Variants in EVC2 observed in about 807,000 individuals in gnomAD.
The protein encoded by EVC2 is limbin.
Under a neutral mutation model 149.3 loss-of-function variants are expected in EVC2, and 148 were observed. That is an observed-to-expected ratio of 0.99 (90% CI 0.87 to 1.14). The LOEUF is 1.14. Among genes scored for constraint, EVC2 ranks in the 50% most tolerant of loss-of-function variants. The probability of loss-of-function intolerance (pLI) is 0.00; values close to 1 mark genes in which losing one functional copy is unlikely to be tolerated. For synonymous variants in EVC2, 776 were observed against 649.9 expected (o/e 1.19, Z -2.95); for missense variants, 1,854 against 1,627.3 (o/e 1.14, Z -2.40).
At chr4:5,583,426 G>C (rs571279589) in intron 17 of EVC2, among the ~76,000 whole-genome samples, 2 of 152,266 alleles carry the variant, frequency 1.3e-5, no homozygotes, top group African/African-American at 4.8e-5. Flanking sequence ...ATATGAGACT[G>C]GCAAAATACC....
Position 5,644,642 on chromosome 4 carries a change from T to C in EVC2, c.1146-3804A>G, listed in dbSNP as rs556058653. On this transcript the variant is annotated intron_variant, in intron 9 of 21. Coordinates refer to ENST00000344408, the MANE Select transcript of EVC2 (RefSeq NM_147127.5). Reference sequence around the variant, plus strand: ...AAGCGTGCAGTTCAGTGGTAATAAATATCTTTTATTTATATTCTTGTTTTC... The same window carrying C: ...AAGCGTGCAGTTCAGTGGTAATAAACATCTTTTATTTATATTCTTGTTTTC... Among the ~76,000 whole-genome samples the C allele has an allele frequency of 1.5e-4, 23 of 152,284 alleles. 1 individual carries two copies. In the South Asian group the frequency reaches 4.8e-3, roughly 32 times the overall value.
At chr4:5,550,920 G>A (rs1258514331) in intron 21 of EVC2, among the ~76,000 whole-genome samples, 1 of 152,266 alleles carries the variant, frequency 6.6e-6, no homozygotes, top group African/African-American at 2.4e-5. Flanking sequence ...CAAGCCCCAA[G>A]CCTTGGCAGC....
At chr4:5,685,262 ACTGAAGGAAGGAAGGAACTAACAGGT>A (rs1364897843) in intron 6 of EVC2, 82 bp downstream of exon 6, 30 of 1,074,358 alleles carry the variant, frequency 2.8e-5, no homozygotes, top group Non-Finnish European at 4.3e-5. Flanking sequence ...AGGTGGCATC[ACTGAAGGAAGGAAGGAACTAACAGGT>A]CTTCTGTCTG....
At chr4:5,651,288 T>C (rs1353632974) in intron 9 of EVC2, among the ~76,000 whole-genome samples, 3 of 151,258 alleles carry the variant, frequency 2.0e-5, no homozygotes, top group Admixed American at 6.6e-5. Context: ...GGATGGATGA[T>C]AGGTGGACAG....
intron 6 of EVC2, among the ~76,000 whole-genome samples, chr4:5,682,442 AT>A (rs1720410853): frequency 6.6e-6 from 1 of 151,580 alleles, no homozygotes; most frequent in South Asian, 2.1e-4. Context: ...GTGAGCTGAG[AT>A]CATGCCATTG....
the EVC2 span, among the ~76,000 whole-genome samples, chr4:5,535,655 T>G: frequency 7.7e-6 from 1 of 129,822 alleles, no homozygotes; most frequent in African/African-American, 3.1e-5. The surrounding 1 kb of genome is among the most constrained non-coding windows in gnomAD (Gnocchi z 4.7). Flanking sequence ...CTCCTGTTCT[T>G]CCTCTTTCTT....
At chr4:5,591,471 G>A (rs930544990) in intron 16 of EVC2, among the ~76,000 whole-genome samples, 1 of 152,186 alleles carries the variant, frequency 6.6e-6, no homozygotes, top group Non-Finnish European at 1.5e-5. Context: ...TCTTGGGTGG[G>A]TGGGTGGTGG....
At chr4:5,535,625 G>GAGAGAGAGAGAGAGAGAGAGAT in the EVC2 span, among the ~76,000 whole-genome samples, 302 of 150,536 alleles carry the variant, frequency 2.0e-3, no homozygotes, top group African/African-American at 7.0e-3. This position sits in a 1 kb window ranked among gnomAD's most constrained non-coding sequence, Gnocchi z 4.7. Context: ...GAGAGAGAGA[G>GAGAGAGAGAGAGAGAGAGAGAT]AGAGAGAGAA....
chr4:5,612,946 A>G (rs1259076852), intron 16 of EVC2, among the ~76,000 whole-genome samples: 6 of 149,644 alleles, frequency 4.0e-5, no homozygotes, highest in South Asian at 2.1e-4. Context: ...AAAAAAAAAA[A>G]AAAGAAATAA....
At chr4:5,646,151 G>A (rs558974104) in intron 9 of EVC2, among the ~76,000 whole-genome samples, 2 of 152,046 alleles carry the variant, frequency 1.3e-5, no homozygotes, top group African/African-American at 2.4e-5. Flanking sequence ...GGCTGGTCTC[G>A]AACTCCTGAC....
chr4:5,705,867 C>A lies in EVC2; in HGVS notation c.228+2419G>T, dbSNP rs1722099235. Among the ~76,000 whole-genome samples the A allele has an allele frequency of 2.6e-5, 4 of 152,134 alleles. No individual in the cohort carries two copies. In the South Asian group the frequency reaches 8.3e-4, roughly 32 times the overall value. On this transcript the variant is annotated intron_variant, in intron 1 of 21. Transcript: ENST00000344408. ...TCCCTGGGCCCCACCTTAAGAACCA[C>A]TGGGGAATAAAATGCATTCCCAGTG...
At chr4:5,596,964 G>A (rs1002422671) in intron 16 of EVC2, among the ~76,000 whole-genome samples, 5 of 152,160 alleles carry the variant, frequency 3.3e-5, no homozygotes, top group African/African-American at 1.2e-4. Flanking sequence ...AGAAAATCTA[G>A]AAGAAATGGA....
At chr4:5,665,080 G>A (rs1037039913) in intron 8 of EVC2, among the ~76,000 whole-genome samples, 3 of 151,994 alleles carry the variant, frequency 2.0e-5, no homozygotes, top group Non-Finnish European at 2.9e-5. Flanking sequence ...GACAGGCTGC[G>A]TGTGGGTGAT....
chr4:5,628,651 C>G lies in EVC2; in HGVS notation c.1794G>C (p.Leu598=). The G allele has an allele frequency of 6.2e-7, 1 of 1,613,834 alleles. No homozygotes were observed. Residue 598 remains leucine, a synonymous_variant, in exon 12 of 22, where the codon CTG becomes CTC. Coordinates refer to ENST00000344408, the MANE Select transcript of EVC2 (RefSeq NM_147127.5). ...TCTCTGATGACTGGAGGTTCTGGAC[C>G]AGATATTCCCTGTGGCCAAATCTTT... is the stretch of plus-strand genomic sequence containing the variant. The part of the protein sequence containing the change: ...LSKRFGHREY[L]VQNLQSSETR...
At chr4:5,586,408 C>T (rs371403466) in intron 16 of EVC2, among the ~76,000 whole-genome samples, 129 of 152,066 alleles carry the variant, frequency 8.5e-4, no homozygotes, top group African/African-American at 2.8e-3. Context: ...AATTCTAAGC[C>T]CCCCCTCAAC....
At chr4:5,610,915 T>G (rs185263425) in intron 16 of EVC2, among the ~76,000 whole-genome samples, 1 of 151,472 alleles carries the variant, frequency 6.6e-6, no homozygotes, top group African/African-American at 2.4e-5. Context: ...CAAATGGACG[T>G]GGCTTTGAGT....
In EVC2 at chr4:5,618,505, G is replaced by T; in HGVS notation, c.2679C>A (p.Asp893Glu). The change falls in exon 15 of 22, where the codon GAC (aspartate) becomes GAA (glutamate). Residue 893 changes from aspartate to glutamate, a missense_variant. Transcript: ENST00000344408. The surrounding 1 kb of genome is among the most constrained non-coding windows in gnomAD (Gnocchi z 4.4). ...AWREAEFVKL[D>E]QAVAAPELQQ... ...GCAGCTCAGGGGCAGCCACGGCCTG[G>T]TCCAGCTTCACGAACTCTGCTTCTC... 2 of 1,613,532 alleles carry T rather than the reference G, an allele frequency of 1.2e-6. No individual in the cohort carries two copies. Among genetic ancestry groups the T allele is most frequent in the South Asian group, 2.2e-5 (2 of 91,052 alleles).
intron 1 of EVC2, among the ~76,000 whole-genome samples, 156 bp from the exon 2 acceptor site, chr4:5,697,803 T>C (rs867831260): frequency 4.0e-5 from 6 of 151,506 alleles, no homozygotes; most frequent in Non-Finnish European, 8.8e-5. Flanking sequence ...TGCAGTGCAG[T>C]GGCGCGATCT....
At chr4:5,653,359 T>C (rs1418307858) in intron 9 of EVC2, among the ~76,000 whole-genome samples, 1 of 152,108 alleles carries the variant, frequency 6.6e-6, no homozygotes. Context: ...CAACTAGAAA[T>C]GGGTTGGCCA....
Sources: gnomAD v4.1 joint callset for allele counts (sites outside exome capture counted in the v4.1 genomes callset) on GRCh38, gnomAD v4.1.1 for gene constraint, Gnocchi (gnomAD v3.1) non-coding constraint, MANE v1.5 for transcripts, NCBI Gene and HGNC (gene_info 2026-07-23, HGNC 2026-07-21) for gene names.